POU6F2: variants seen among roughly 807,000 people sequenced by gnomAD.
POU6F2 encodes POU class 6 homeobox 2, also known as POU domain, class 6, transcription factor 2.
In POU6F2, 31 loss-of-function variants were observed where a neutral mutation model predicts 71.3. The ratio of observed to expected loss-of-function variants is 0.43; its 90% CI spans 0.33 to 0.59. The LOEUF (loss-of-function observed/expected upper bound fraction) is 0.59. POU6F2 is among the 20% of genes least tolerant of loss of function. POU6F2 has a pLI of 0.04. For synonymous variants in POU6F2, 347 were observed against 355.7 expected (o/e 0.98, Z 0.27); for missense variants, 783 against 856.8 (o/e 0.91, Z 1.07).
chr7:39,123,962 T>C (rs573829727), intron 2 of POU6F2, among the ~76,000 whole-genome samples: 179 of 152,072 alleles, frequency 1.2e-3, no homozygotes, highest in African/African-American at 4.2e-3. Context: ...CATACCACTG[T>C]GACTATACAT....
chr7:39,409,742 C>A (rs1172673029), intron 6 of POU6F2, among the ~76,000 whole-genome samples: 2 of 152,170 alleles, frequency 1.3e-5, no homozygotes, highest in East Asian at 3.8e-4. Context: ...AGGGTCTTGG[C>A]CCTCAACTCT....
chr7:39,227,714 T>A (rs551890766), intron 4 of POU6F2, among the ~76,000 whole-genome samples: 1 of 152,050 alleles, frequency 6.6e-6, no homozygotes, highest in African/African-American at 2.4e-5. Flanking sequence ...GCCACCACGC[T>A]TGGCTAATTT....
intron 4 of POU6F2, among the ~76,000 whole-genome samples, chr7:39,296,696 C>A (rs1583504961): frequency 6.6e-6 from 1 of 152,320 alleles, no homozygotes; most frequent in East Asian, 1.9e-4. Context: ...ACCCTCCTGC[C>A]AGTGCCACCC....
rs1330876479 is a variant in POU6F2 at position 39,349,157 on chromosome 7, A to AG, written c.972+9144dup. Among the ~76,000 whole-genome samples, 5 of 152,318 alleles carry AG rather than the reference A, an allele frequency of 3.3e-5. 1 individual carries two copies. The highest frequency in any genetic ancestry group is 1.2e-4 in the African/African-American group (5 of 41,588). On this transcript the variant is annotated intron_variant, in intron 5 of 9. Transcript: ENST00000518318. The stretch of plus-strand genomic sequence containing the variant: ...GTATAGAAAGGTGAGAAAAGAGGGA[A>AG]GGAAAAACTTAAAACTAAGGCAAGA...
chr7:39,350,385 T>G (rs1170553142), intron 5 of POU6F2, among the ~76,000 whole-genome samples: 1 of 152,154 alleles, frequency 6.6e-6, no homozygotes, highest in Non-Finnish European at 1.5e-5. Context: ...AGGAAAGCTC[T>G]CTGGAATCTG....
chr7:39,118,180 A>T (rs1217029591), intron 2 of POU6F2, among the ~76,000 whole-genome samples: 1 of 152,204 alleles, frequency 6.6e-6, no homozygotes, highest in Non-Finnish European at 1.5e-5. Flanking sequence ...AGTGTTCTCC[A>T]GCAAAATGAC....
chr7:39,466,068 T>C lies in POU6F2; in HGVS notation c.*1382T>C, dbSNP rs1378531306. 7 of 152,290 alleles carry C rather than the reference T, an allele frequency of 4.6e-5. No individual in the cohort carries two copies. The highest frequency in any genetic ancestry group is 4.1e-4 in the South Asian group (2 of 4,826). 9.4% of individuals were successfully genotyped at this position (152,290 alleles called of 1,614,324 possible). A position where few individuals can be genotyped will look rare whatever the true frequency, so the allele number is the denominator to read the frequency against. ...TTTTCTGCTACTTCTTTCATTCCAA[T>C]AGCGATGGCAGACTTTTTTCAGGGG... On this transcript the variant is annotated 3_prime_UTR_variant, in exon 10 of 10. Transcript: ENST00000518318.
At chr7:39,201,684 C>A (rs1793906513) in intron 2 of POU6F2, among the ~76,000 whole-genome samples, 1 of 152,186 alleles carries the variant, frequency 6.6e-6, no homozygotes, top group East Asian at 1.9e-4. Flanking sequence ...TCAGGAGGAA[C>A]CCACCCAACC....
At chr7:39,070,834 G>A (rs189348059) in intron 1 of POU6F2, among the ~76,000 whole-genome samples, 101 of 152,200 alleles carry the variant, frequency 6.6e-4, no homozygotes, top group Admixed American at 3.7e-3. Context: ...ACTCAACATC[G>A]TATTTACTTA....
At chr7:39,289,777 C>T (rs1440513347) in intron 4 of POU6F2, among the ~76,000 whole-genome samples, 1 of 152,148 alleles carries the variant, frequency 6.6e-6, no homozygotes, top group Non-Finnish European at 1.5e-5. Flanking sequence ...CAGTATAGCA[C>T]GCAGGTCATT....
At chr7:39,130,139 A>C (rs1792236029) in intron 2 of POU6F2, among the ~76,000 whole-genome samples, 2 of 115,710 alleles carry the variant, frequency 1.7e-5, no homozygotes, top group African/African-American at 3.3e-5. Flanking sequence ...AAAGTAAAGA[A>C]AGGGGTAGGT....
intron 5 of POU6F2, among the ~76,000 whole-genome samples, chr7:39,344,389 A>C (rs896286090): frequency 5.9e-5 from 9 of 152,208 alleles, no homozygotes; most frequent in Non-Finnish European, 1.3e-4. Context: ...GTAAAACTGC[A>C]TCGGAATCCC....
chr7:39,193,081 C>T (rs1793703961), intron 2 of POU6F2, among the ~76,000 whole-genome samples: 1 of 152,172 alleles, frequency 6.6e-6, no homozygotes, highest in Non-Finnish European at 1.5e-5. Flanking sequence ...TGACTGGGAC[C>T]TGAGCATCTG....
chr7:38,977,940 A>G lies in POU6F2; in HGVS notation c.-14A>G, dbSNP rs1788222859. ...CTTTTGGTGATGGTTGTGAGTGCAGAAGTTGATTGACAGATGCATGCCAGA... is the reference window on the plus strand; with the variant it reads ...CTTTTGGTGATGGTTGTGAGTGCAGGAGTTGATTGACAGATGCATGCCAGA... On this transcript the variant is annotated 5_prime_UTR_variant, in exon 1 of 10. Coordinates refer to ENST00000518318, the MANE Select transcript of POU6F2 (RefSeq NM_001370959.1). 2.0e-5 allele frequency: 3 copies of G among 152,234 alleles called. No individual in the cohort carries two copies. The highest frequency in any genetic ancestry group is 1.3e-4 in the Admixed American group (2 of 15,284). 9.4% of individuals were successfully genotyped at this position (152,234 alleles called of 1,614,324 possible).
intron 4 of POU6F2, among the ~76,000 whole-genome samples, chr7:39,319,833 G>A (rs1785348547): frequency 6.6e-6 from 1 of 152,128 alleles, no homozygotes; most frequent in Non-Finnish European, 1.5e-5. Context: ...TTCAGAGAGT[G>A]GGACTCACAG....
intron 1 of POU6F2, among the ~76,000 whole-genome samples, chr7:39,075,743 A>G (rs953085350): frequency 6.6e-6 from 1 of 152,204 alleles, no homozygotes; most frequent in Non-Finnish European, 1.5e-5. Flanking sequence ...CCAGCTGAAC[A>G]AGGAGACAGA....
intron 2 of POU6F2, among the ~76,000 whole-genome samples, chr7:39,153,558 A>G (rs1792802663): frequency 6.6e-6 from 1 of 152,200 alleles, no homozygotes; most frequent in South Asian, 2.1e-4. Flanking sequence ...TTTCAGGGTA[A>G]ATCAGTGAAA....
intron 4 of POU6F2, among the ~76,000 whole-genome samples, chr7:39,242,381 C>T (rs1584620451): frequency 2.0e-5 from 3 of 147,320 alleles, no homozygotes; most frequent in Admixed American, 6.8e-5. Context: ...TTTTGTTTTG[C>T]TTTTTTTTTT....
intron 6 of POU6F2, among the ~76,000 whole-genome samples, chr7:39,422,446 A>G (rs1304731218): frequency 2.0e-5 from 3 of 152,224 alleles, no homozygotes; most frequent in African/African-American, 7.2e-5. Flanking sequence ...TGCCCTTGTT[A>G]TAAATAACTG....
Sources: gnomAD v4.1 joint callset for allele counts (sites outside exome capture counted in the v4.1 genomes callset) on GRCh38, gnomAD v4.1.1 for gene constraint, MANE v1.5 for transcripts, NCBI Gene and HGNC (gene_info 2026-07-23, HGNC 2026-07-21) for gene names.